Variants in VXN observed in about 807,000 individuals in gnomAD.
VXN encodes vexin, also known as uncharacterized protein C8orf46.
In VXN, 7 loss-of-function variants were observed where a neutral mutation model predicts 23.1. The ratio of observed to expected loss-of-function variants is 0.30; its 90% CI spans 0.17 to 0.57. The LOEUF (loss-of-function observed/expected upper bound fraction) is 0.57. Ranked by LOEUF, VXN falls within the 20% of genes least tolerant of loss-of-function variation. VXN has a pLI of 0.91. For synonymous variants in VXN, 120 were observed against 105.8 expected (o/e 1.13, Z -0.83); for missense variants, 238 against 272.6 (o/e 0.87, Z 0.89).
chr8:66,513,972 G>A (rs901599821), intron 5 of VXN: 19 of 228,098 alleles, frequency 8.3e-5, no homozygotes, highest in East Asian at 1.3e-4. Flanking sequence ...GCATGCAGGC[G>A]TCAGAAATAT....
chr8:66,513,456 C>A (rs112303947), intron 4 of VXN, 84 bp from the exon 5 acceptor site: 25 of 1,103,732 alleles, frequency 2.3e-5, no homozygotes, highest in East Asian at 1.4e-4. Context: ...TCCATTCAGT[C>A]CCCCCACTTG....
chr8:66,502,676 G>A (rs1163451351), intron 2 of VXN, among the ~76,000 whole-genome samples: 1 of 152,152 alleles, frequency 6.6e-6, no homozygotes, highest in East Asian at 1.9e-4. Flanking sequence ...GAACCCAGGA[G>A]GCAGAGGTTG....
intron 2 of VXN, among the ~76,000 whole-genome samples, chr8:66,499,377 C>A (rs1331656439): frequency 6.6e-6 from 1 of 151,574 alleles, no homozygotes; most frequent in East Asian, 1.9e-4. Context: ...GGACTACAGG[C>A]ATGAGCCACC....
chr8:66,499,359 A>G (rs1182778250), intron 2 of VXN, among the ~76,000 whole-genome samples: 1 of 150,968 alleles, frequency 6.6e-6, no homozygotes, highest in African/African-American at 2.4e-5. Context: ...TAGCCTCCCA[A>G]GTATCTGGGA....
At chr8:66,500,139 G>A (rs116255896) in intron 2 of VXN, among the ~76,000 whole-genome samples, 107 of 152,072 alleles carry the variant, frequency 7.0e-4, no homozygotes, top group African/African-American at 2.0e-3. Flanking sequence ...CCAAATTATC[G>A]ATAAATAGGG....
At chr8:66,500,080 AT>A (rs1188044963) in intron 2 of VXN, among the ~76,000 whole-genome samples, 2 of 151,880 alleles carry the variant, frequency 1.3e-5, no homozygotes, top group Non-Finnish European at 2.9e-5. Flanking sequence ...ATGCTCTATA[AT>A]TTTTTTTACC....
chr8:66,504,291 A>G (rs1807722913), intron 2 of VXN, among the ~76,000 whole-genome samples: 1 of 152,152 alleles, frequency 6.6e-6, no homozygotes, highest in Non-Finnish European at 1.5e-5. Flanking sequence ...TCCTCCTTCT[A>G]CAAAGTGGGT....
At position 66,516,363 on chromosome 8, in the gene VXN, A is replaced by G. The variant is rs995506507; in HGVS notation, c.*287A>G. On this transcript the variant is annotated 3_prime_UTR_variant, in exon 6 of 6. Transcript: ENST00000305454. ...TTTAAGCAAAAAATTAAACTTTCCC[A>G]GCTCATTTTAAAGACCTCCAAGGAA... The G allele has an allele frequency of 6.5e-5, 15 of 229,104 alleles. No homozygotes were observed. The highest frequency in any genetic ancestry group is 3.2e-4 in the African/African-American group (14 of 44,172). 14.2% of individuals were successfully genotyped at this position (229,104 alleles called of 1,614,324 possible).
rs771309187 is a variant in VXN at position 66,515,886 on chromosome 8, T to C, written c.441-7T>C. ...ACCCTCCCCACCCACTCCTGGCTTT[T>C]CTTTAGATCCAGACATCTCAAGAAG... On this transcript the variant is annotated splice_region_variant and splice_polypyrimidine_tract_variant and intron_variant, in intron 5 of 5. Coordinates refer to ENST00000305454, the MANE Select transcript of VXN (RefSeq NM_152765.4). 1.3e-6 allele frequency: 2 copies of C among 1,569,506 alleles called. No individual in the cohort carries two copies. The highest frequency in any genetic ancestry group is 1.2e-5 in the South Asian group (1 of 85,726).
chr8:66,502,991 C>A (rs1014932811), intron 2 of VXN, among the ~76,000 whole-genome samples: 1 of 151,936 alleles, frequency 6.6e-6, no homozygotes, highest in African/African-American at 2.4e-5. Flanking sequence ...GGACTACAGG[C>A]ATGTGGCACC....
intron 3 of VXN, among the ~76,000 whole-genome samples, chr8:66,508,258 T>C (rs887536119): frequency 2.0e-4 from 31 of 152,074 alleles, no homozygotes; most frequent in African/African-American, 7.0e-4. Context: ...CCTAGCCCTC[T>C]TGGTACCTAC....
rs1282736103 is a variant in VXN, at chr8:66,516,542, C to G, written c.*466C>G. On this transcript the variant is annotated 3_prime_UTR_variant, in exon 6 of 6. Coordinates refer to ENST00000305454, the MANE Select transcript of VXN (RefSeq NM_152765.4). ...CTTGACAAGGTACAATTTTCAAGGA[C>G]AAAGCACTATATATAAAGTTAGTAG... The G allele has an allele frequency of 2.0e-5, 3 of 152,404 alleles. No individual in the cohort carries two copies. The highest frequency in any genetic ancestry group is 7.2e-5 in the African/African-American group (3 of 41,426). 9.4% of individuals were successfully genotyped at this position (152,404 alleles called of 1,614,324 possible).
chr8:66,494,973 T>A (rs569757148), intron 1 of VXN: 2 of 152,386 alleles, frequency 1.3e-5, no homozygotes, highest in Non-Finnish European at 2.9e-5. Context: ...CATAGGTAGA[T>A]CTAAGCATAA....
chr8:66,508,455 T>G (rs923133789), intron 3 of VXN, among the ~76,000 whole-genome samples: 1 of 152,134 alleles, frequency 6.6e-6, no homozygotes, highest in African/African-American at 2.4e-5. Context: ...CAGACCACAC[T>G]GACCTCTCCA....
intron 2 of VXN, chr8:66,503,284 C>T (rs1413668826): frequency 2.0e-5 from 3 of 152,200 alleles, no homozygotes; most frequent in South Asian, 4.1e-4. Flanking sequence ...GCCTCAGTTT[C>T]CCTATGTATA....
intron 3 of VXN, among the ~76,000 whole-genome samples, chr8:66,505,897 C>T (rs534011030): frequency 6.6e-6 from 1 of 152,246 alleles, no homozygotes; most frequent in South Asian, 2.1e-4. Context: ...CTCAAGCCAT[C>T]CTCCCGCCTC....
chr8:66,503,643 C>G (rs1370119817), intron 2 of VXN: 1 of 152,284 alleles, frequency 6.6e-6, no homozygotes. Flanking sequence ...TCTCCTCCTC[C>G]CTGCTCATTA....
At chr8:66,500,626 C>T (rs572447076) in intron 2 of VXN, among the ~76,000 whole-genome samples, 5 of 152,030 alleles carry the variant, frequency 3.3e-5, no homozygotes, top group African/African-American at 1.2e-4. Context: ...GATAGCATCG[C>T]CCAAGTAGTG....
intron 3 of VXN, among the ~76,000 whole-genome samples, chr8:66,506,327 T>C (rs1336063602): frequency 6.6e-6 from 1 of 150,436 alleles, no homozygotes; most frequent in East Asian, 2.0e-4. Context: ...CATTCTAAAT[T>C]TGAATAACCT....
Sources: gnomAD v4.1 joint callset for allele counts (sites outside exome capture counted in the v4.1 genomes callset) on GRCh38, gnomAD v4.1.1 for gene constraint, MANE v1.5 for transcripts, NCBI Gene and HGNC (gene_info 2026-07-23, HGNC 2026-07-21) for gene names.